Variants in AMPH observed in about 807,000 individuals in gnomAD.
The protein encoded by AMPH is amphiphysin, also known as amphiphysin (Stiff-Mann syndrome with breast cancer 128kD autoantigen).
Under a neutral mutation model 99.1 loss-of-function variants are expected in AMPH, and 49 were observed. That is an observed-to-expected ratio of 0.49 (90% CI 0.39 to 0.63). AMPH has a LOEUF of 0.63. AMPH is among the 20% of genes least tolerant of loss of function. The pLI, the probability that AMPH is intolerant of heterozygous loss-of-function variation, is 0.00. For synonymous variants in AMPH, 314 were observed against 317.3 expected (o/e 0.99, Z 0.11); for missense variants, 759 against 863.4 (o/e 0.88, Z 1.52).
chr7:38,446,730 T>C (rs10258436), intron 11 of AMPH, among the ~76,000 whole-genome samples: 47,658 of 151,918 alleles, frequency 0.31, 7,694 homozygotes, highest in Admixed American at 0.38. Flanking sequence ...TATATACATA[T>C]GTGCAAACTC....
intron 11 of AMPH, among the ~76,000 whole-genome samples, chr7:38,441,799 CATAT>C (rs58453033): frequency 0.21 from 4,257 of 19,880 alleles, 224 homozygotes; most frequent in African/African-American, 0.33. Context: ...TCATATATAT[CATAT>C]ATATATCATA....
intron 10 of AMPH, 100 bp downstream of exon 10, chr7:38,462,875 A>T: frequency 7.5e-7 from 1 of 1,329,006 alleles, no homozygotes; most frequent in Non-Finnish European, 1.0e-6. Context: ...CCCTAACTGG[A>T]AACTTCTCTT....
At chr7:38,521,616 G>A (rs1789967071) in intron 2 of AMPH, among the ~76,000 whole-genome samples, 1 of 152,010 alleles carries the variant, frequency 6.6e-6, no homozygotes, top group Admixed American at 6.6e-5. Context: ...AGATTGAGTA[G>A]AACATACCCC....
At chr7:38,424,875 T>C (rs1294518183) in intron 15 of AMPH, among the ~76,000 whole-genome samples, 7 of 151,840 alleles carry the variant, frequency 4.6e-5, no homozygotes, top group Non-Finnish European at 8.8e-5. Context: ...AGAGAAAGAA[T>C]GAGGAGAGGA....
At chr7:38,525,476 G>C (rs1308363714) in intron 2 of AMPH, among the ~76,000 whole-genome samples, 2 of 150,522 alleles carry the variant, frequency 1.3e-5, no homozygotes, top group Non-Finnish European at 2.9e-5. Context: ...GTGTGTGTGT[G>C]TGTGTTTAGT....
chr7:38,565,933 C>G lies in AMPH; in HGVS notation c.70-30922G>C, dbSNP rs540826813. Among the ~76,000 whole-genome samples the G allele has an allele frequency of 5.9e-5, 9 of 152,218 alleles. No homozygotes were observed. The South Asian group carries it at 1.7e-3, about 28-fold the overall frequency. On this transcript the variant is annotated intron_variant, in intron 1 of 20. Transcript: ENST00000356264. ...AAAAACACTGAAATAATAGTCAATG[C>G]AACATTTACAAAACTATCACTTTCC...
intron 2 of AMPH, among the ~76,000 whole-genome samples, chr7:38,524,571 T>C (rs953690213): frequency 1.3e-5 from 2 of 152,046 alleles, no homozygotes; most frequent in African/African-American, 4.8e-5. Context: ...GTGTCGTTTT[T>C]GGATACTAAT....
intron 1 of AMPH, among the ~76,000 whole-genome samples, chr7:38,602,819 G>A (rs1793295926): frequency 6.6e-6 from 1 of 152,128 alleles, no homozygotes; most frequent in Non-Finnish European, 1.5e-5. Flanking sequence ...CTCTTCTGTG[G>A]TATTCCCACT....
intron 2 of AMPH, among the ~76,000 whole-genome samples, chr7:38,531,846 T>C (rs1790409597): frequency 1.3e-5 from 2 of 152,302 alleles, no homozygotes; most frequent in African/African-American, 4.8e-5. Context: ...GGAATCTAGG[T>C]TTCCTAGATT....
At chr7:38,420,834 T>C (rs1785557102) in intron 16 of AMPH, 2 of 400,452 alleles carry the variant, frequency 5.0e-6, no homozygotes, top group Admixed American at 2.6e-5. Flanking sequence ...GGTTTAAACC[T>C]GTACTCAAAA....
chr7:38,438,130 T>C (rs912829458), intron 11 of AMPH, among the ~76,000 whole-genome samples: 2 of 152,200 alleles, frequency 1.3e-5, no homozygotes, highest in African/African-American at 2.4e-5. Context: ...AGTAAACATA[T>C]TATACTTGGA....
chr7:38,537,250 A>G (rs113742319), intron 1 of AMPH, among the ~76,000 whole-genome samples: 8 of 152,296 alleles, frequency 5.3e-5, no homozygotes, highest in Middle Eastern at 3.4e-3. Flanking sequence ...TGAGGGACCT[A>G]TATCTGATTG....
chr7:38,417,112 C>T (rs761862000), intron 17 of AMPH, among the ~76,000 whole-genome samples: 2 of 152,238 alleles, frequency 1.3e-5, no homozygotes, highest in South Asian at 2.1e-4. Context: ...ACTTTTCACT[C>T]GCCATGGGTA....
chr7:38,489,570 CAA>C (rs1215796216), intron 5 of AMPH, among the ~76,000 whole-genome samples: 1 of 152,042 alleles, frequency 6.6e-6, no homozygotes, highest in African/African-American at 2.4e-5. Flanking sequence ...AAGAAACAAT[CAA>C]GAGTAAAATG....
At chr7:38,631,232 C>A (rs1794451683) in intron 1 of AMPH, 51 bp downstream of exon 1, 6 of 1,487,594 alleles carry the variant, frequency 4.0e-6, no homozygotes, top group Non-Finnish European at 5.4e-6. Context: ...GCCCTCCGGC[C>A]AAGCCCCCGC....
intron 11 of AMPH, among the ~76,000 whole-genome samples, chr7:38,448,300 T>C (rs1786868168): frequency 6.6e-6 from 1 of 152,214 alleles, no homozygotes; most frequent in Admixed American, 6.5e-5. Context: ...TAAAATGATG[T>C]TGCCAAGTAT....
At chr7:38,627,669 A>AC (rs1229928112) in intron 1 of AMPH, among the ~76,000 whole-genome samples, 137 of 151,274 alleles carry the variant, frequency 9.1e-4, no homozygotes, top group African/African-American at 3.2e-3. Context: ...AAAAAAAAAA[A>AC]AAAGCTAAAG....
chr7:38,395,143 C>T (rs1333377634), intron 17 of AMPH, among the ~76,000 whole-genome samples: 2 of 151,902 alleles, frequency 1.3e-5, no homozygotes, highest in Non-Finnish European at 2.9e-5. Flanking sequence ...CACACAAAGT[C>T]AAAATTTAGA....
chr7:38,562,445 C>T (rs570952880), intron 1 of AMPH, among the ~76,000 whole-genome samples: 29 of 152,162 alleles, frequency 1.9e-4, no homozygotes, highest in East Asian at 1.9e-4. Flanking sequence ...GAAGGAATCG[C>T]TAGTTCATAA....
Sources: allele counts gnomAD v4.1 joint callset (sites outside exome capture counted in the v4.1 genomes callset), GRCh38; gene constraint gnomAD v4.1.1; transcripts MANE v1.5; gene names NCBI Gene and HGNC (gene_info 2026-07-23, HGNC 2026-07-21).